Variants in CHD7 observed in about 807,000 individuals in gnomAD.
The protein encoded by CHD7 is ATP-dependent chromatin remodeler CHD7.
In CHD7, 24 loss-of-function variants were observed where a neutral mutation model predicts 307.3. The observed-to-expected ratio is 0.08, with a 90% CI of 0.06 to 0.11. CHD7 has a LOEUF of 0.11. CHD7 is among the 10% of genes least tolerant of loss of function. CHD7 has a pLI of 1.00. For synonymous variants in CHD7, 1,363 were observed against 1,349.9 expected (o/e 1.01, Z -0.21); for missense variants, 3,106 against 3,727.1 (o/e 0.83, Z 4.34).
rs199776087 is a variant in CHD7 at position 60,741,600 on chromosome 8, T to C, written c.168T>C (p.His56=). The change falls in exon 2 of 38, where the codon CAT becomes CAC. Residue 56 remains histidine, a synonymous_variant. Coordinates refer to ENST00000423902, the MANE Select transcript of CHD7 (RefSeq NM_017780.4). ...GFASLQPSLH[H]PSTNQNQTKL... ...CCTCTTTACAGCCATCCCTTCATCATCCTTCAACTAATCAAAATCAAACAA... is the reference window on the plus strand; with the variant it reads ...CCTCTTTACAGCCATCCCTTCATCACCCTTCAACTAATCAAAATCAAACAA... The C allele has an allele frequency of 4.0e-5, 64 of 1,613,680 alleles. No homozygotes were observed. The highest frequency in any genetic ancestry group is 5.1e-5 in the Non-Finnish European group (60 of 1,179,814).
In CHD7 at chr8:60,852,691, G is replaced by C; in HGVS notation, c.6088G>C (p.Val2030Leu). 6.2e-7 allele frequency: 1 copy of C among 1,613,836 alleles called. No homozygotes were observed. The highest frequency in any genetic ancestry group is 8.5e-7 in the Non-Finnish European group (1 of 1,179,832). Reference sequence around the variant, plus strand: ...GTGTAGGCGAGTATGTCGAATGCCCGTCAAGCCAGATGATGGTAGGTACAT... The same window carrying C: ...GTGTAGGCGAGTATGTCGAATGCCCCTCAAGCCAGATGATGGTAGGTACAT... The part of the protein sequence containing the change: ...AMCRRVCRMP[V>L]KPDDEPPDLS... The change falls in exon 30 of 38, where the codon GTC (valine) becomes CTC (leucine). Residue 2030 changes from valine to leucine, a missense_variant. This residue lies in a region of CHD7 where 1,030 missense variants were observed against 1,165.4 expected (regional missense o/e 0.88). Coordinates refer to ENST00000423902, the MANE Select transcript of CHD7 (RefSeq NM_017780.4).
intron 15 of CHD7, among the ~76,000 whole-genome samples, chr8:60,834,869 A>G (rs1049719244): frequency 6.6e-6 from 1 of 152,214 alleles, no homozygotes; most frequent in Non-Finnish European, 1.5e-5. Flanking sequence ...CAGCAGTACC[A>G]TGTGAGAGGC....
At chr8:60,786,206 C>T (rs1811484665) in intron 3 of CHD7, among the ~76,000 whole-genome samples, 1 of 152,238 alleles carries the variant, frequency 6.6e-6, no homozygotes, top group South Asian at 2.1e-4. Context: ...CTTCCTTTTG[C>T]TAGCCAGCAT....
chr8:60,863,792 T>C (rs1166735129), intron 37 of CHD7: 1 of 149,326 alleles, frequency 6.7e-6, no homozygotes, highest in Non-Finnish European at 1.5e-5. Flanking sequence ...TGGAGTGCAG[T>C]GGTGAAATCA....
At chr8:60,728,626 T>TG (rs1209327447) in intron 1 of CHD7, among the ~76,000 whole-genome samples, 1 of 152,176 alleles carries the variant, frequency 6.6e-6, no homozygotes, top group Admixed American at 6.5e-5. Context: ...TCTTTCTTGA[T>TG]GTGCCCGCCT....
chr8:60,790,442 G>T lies in CHD7; in HGVS notation c.2097-4544G>T, dbSNP rs527997608. On this transcript the variant is annotated intron_variant, in intron 3 of 37. Coordinates refer to ENST00000423902, the MANE Select transcript of CHD7 (RefSeq NM_017780.4). ...AGGTATGTAGATGGTATTCTTTTCT[G>T]TTGGTTTTTTAAAAAATGCTAGGTT... Among the ~76,000 whole-genome samples, 5 of 152,278 alleles carry T rather than the reference G, an allele frequency of 3.3e-5. No individual in the cohort carries two copies. In the South Asian group the frequency reaches 1.0e-3, roughly 32 times the overall value.
rs574599721 is a variant in CHD7, at chr8:60,691,909, TAGAC to T, written c.-175+12830_-175+12833del. 1.5e-4 allele frequency among the ~76,000 whole-genome samples: 23 copies of T among 152,278 alleles called. No individual in the cohort carries two copies. The South Asian group carries it at 3.1e-3, about 21-fold the overall frequency. ...ATAGATATTTATTGGGAGTTAGAATTAGACAGTCGCTTAGGGTGCTTGTTAAAAA... is the reference window on the plus strand; with the variant it reads ...ATAGATATTTATTGGGAGTTAGAATTAGTCGCTTAGGGTGCTTGTTAAAAA... On this transcript the variant is annotated intron_variant, in intron 1 of 37. Coordinates refer to ENST00000423902, the MANE Select transcript of CHD7 (RefSeq NM_017780.4).
At position 60,852,145 on chromosome 8, in the gene CHD7, A is replaced by G; in HGVS notation, c.5792A>G (p.Gln1931Arg). Residue 1931 changes from glutamine to arginine, a missense_variant, in exon 29 of 38, where the codon CAA becomes CGA. Gln to Arg is a conservative substitution (Grantham distance 43). Transcript: ENST00000423902. ...QRSYKRQQMRQEALMKTDRRR... is the reference protein window; with the variant it reads ...QRSYKRQQMRREALMKTDRRR... Reference sequence around the variant, plus strand: ...AGCTATAAAAGGCAACAGATGAGGCAAGAGGCCCTAATGAAGACTGACCGG... The same window carrying G: ...AGCTATAAAAGGCAACAGATGAGGCGAGAGGCCCTAATGAAGACTGACCGG... 1 of 1,614,030 alleles carries G rather than the reference A, an allele frequency of 6.2e-7. No individual in the cohort carries two copies. Among genetic ancestry groups the G allele is most frequent in the Non-Finnish European group, 8.5e-7 (1 of 1,179,896 alleles).
intron 2 of CHD7, among the ~76,000 whole-genome samples, chr8:60,744,476 G>A (rs1809218934): frequency 1.6e-5 from 2 of 122,802 alleles, no homozygotes; most frequent in Admixed American, 9.4e-5. Flanking sequence ...TCTCAGAGCA[G>A]CATTTTTTTT....
chr8:60,707,130 CT>C (rs1204608064), intron 1 of CHD7, among the ~76,000 whole-genome samples: 1 of 152,170 alleles, frequency 6.6e-6, no homozygotes, highest in Non-Finnish European at 1.5e-5. Context: ...TATTAAGATT[CT>C]GTGTAGAAGC....
intron 7 of CHD7, among the ~76,000 whole-genome samples, chr8:60,813,824 A>G (rs1018267567): frequency 4.0e-5 from 6 of 151,156 alleles, no homozygotes; most frequent in South Asian, 2.1e-4. Context: ...ACTTATAACT[A>G]TAAATATTTA....
At chr8:60,706,530 A>G (rs1373207705) in intron 1 of CHD7, among the ~76,000 whole-genome samples, 3 of 152,206 alleles carry the variant, frequency 2.0e-5, no homozygotes, top group Non-Finnish European at 2.9e-5. Context: ...ATAATTACGT[A>G]TTATGAAACT....
chr8:60,743,701 G>C (rs1378626744), intron 2 of CHD7, among the ~76,000 whole-genome samples: 1 of 152,196 alleles, frequency 6.6e-6, no homozygotes, highest in African/African-American at 2.4e-5. Context: ...CACTGAAGTA[G>C]GGAATCTTCC....
intron 9 of CHD7, among the ~76,000 whole-genome samples, chr8:60,820,647 A>T (rs1019870464): frequency 3.3e-5 from 5 of 152,172 alleles, no homozygotes; most frequent in African/African-American, 1.2e-4. Context: ...GTGACTTCTG[A>T]GTATTGTGTC....
chr8:60,720,116 C>G (rs1241062536), intron 1 of CHD7, among the ~76,000 whole-genome samples: 3 of 152,070 alleles, frequency 2.0e-5, no homozygotes, highest in Non-Finnish European at 4.4e-5. Flanking sequence ...CTTTTCATAC[C>G]AACACACAGA....
At chr8:60,847,782 C>T (rs1414152660) in intron 23 of CHD7, among the ~76,000 whole-genome samples, 1 of 151,970 alleles carries the variant, frequency 6.6e-6, no homozygotes, top group Non-Finnish European at 1.5e-5. Context: ...AAATCGATTT[C>T]TTGAGAATGA....
intron 19 of CHD7, among the ~76,000 whole-genome samples, chr8:60,841,067 C>T (rs576106892): frequency 6.6e-6 from 1 of 152,192 alleles, no homozygotes; most frequent in East Asian, 1.9e-4. Context: ...ATGATTGTGT[C>T]CATAATGAGA....
intron 1 of CHD7, among the ~76,000 whole-genome samples, chr8:60,695,863 C>T (rs1806441257): frequency 1.3e-5 from 2 of 152,216 alleles, no homozygotes; most frequent in Admixed American, 1.3e-4. Context: ...CCTGCACACT[C>T]ACTGTTGCCT....
At chr8:60,766,177 A>G (rs1450398552) in intron 2 of CHD7, among the ~76,000 whole-genome samples, 1 of 152,158 alleles carries the variant, frequency 6.6e-6, no homozygotes, top group African/African-American at 2.4e-5. Context: ...GTGGCCATGG[A>G]GATATTTTGG....
Sources: gnomAD v4.1 joint callset for allele counts (sites outside exome capture counted in the v4.1 genomes callset) on GRCh38, gnomAD v4.1.1 for gene constraint, gnomAD v4.1.1 regional missense constraint, MANE v1.5 for transcripts, NCBI Gene and HGNC (gene_info 2026-07-23, HGNC 2026-07-21) for gene names.